CHRDL1: variants seen among roughly 807,000 people sequenced by gnomAD.
CHRDL1 encodes chordin-like protein 1.
Under a neutral mutation model 40.9 loss-of-function variants are expected in CHRDL1, and 19 were observed. The ratio of observed to expected loss-of-function variants is 0.46; its 90% CI spans 0.32 to 0.68. The LOEUF (loss-of-function observed/expected upper bound fraction) is 0.68, where lower values mean the gene tolerates loss of function less well. Ranked by LOEUF, CHRDL1 falls within the 30% of genes least tolerant of loss-of-function variation. CHRDL1 has a pLI of 0.03. For synonymous variants in CHRDL1, 136 were observed against 123.4 expected, an observed-to-expected ratio of 1.10 and a Z score of -0.68; for missense variants, 329 against 352.1, an observed-to-expected ratio of 0.93 and a Z score of 0.53.
At chrX:110,755,205 A>G (rs1241974732) in intron 4 of CHRDL1, among the ~76,000 whole-genome samples, 1 of 111,358 alleles carries the variant, frequency 9.0e-6, no homozygotes. Flanking sequence ...AGAATGTTCC[A>G]GCCTCCATGT....
At chrX:110,792,355 C>A in intron 1 of CHRDL1, 140 bp from the exon 2 acceptor site, 1 of 375,920 alleles carries the variant, frequency 2.7e-6, no homozygotes, top group Non-Finnish European at 4.6e-6. Context: ...TGTCTGCCTG[C>A]ACAAGATAAA....
At position 110,689,737 on chromosome X, in the gene CHRDL1, C is replaced by A. The variant is rs772026444; in HGVS notation, c.779-934G>T. Among the ~76,000 whole-genome samples, 4 of 35,661 alleles carry A rather than the reference C, an allele frequency of 1.1e-4. No individual in the cohort carries two copies. In the South Asian group the frequency reaches 3.8e-3, roughly 34 times the overall value. 31.0% of individuals were successfully genotyped at this position (35,661 alleles called of 115,157 possible). A position where few individuals can be genotyped will look rare whatever the true frequency, so the allele number is the denominator to read the frequency against. ...TATATATCTATATATATCTATATAT[C>A]TATATATATCTATATATCTATATAT... is the stretch of plus-strand genomic sequence containing the variant. On this transcript the variant is annotated intron_variant, in intron 8 of 11. Transcript: ENST00000372042.
intron 2 of CHRDL1, among the ~76,000 whole-genome samples, chrX:110,790,627 T>C (rs2090083705): frequency 9.1e-6 from 1 of 110,052 alleles, no homozygotes; most frequent in South Asian, 4.0e-4. Flanking sequence ...GCATAAAGTG[T>C]GGACTTTAAG....
chrX:110,781,669 G>GA (rs1403414835), intron 2 of CHRDL1, among the ~76,000 whole-genome samples: 1 of 111,166 alleles, frequency 9.0e-6, no homozygotes, highest in Non-Finnish European at 1.9e-5. Flanking sequence ...CTCAAGCACT[G>GA]AAATAAAACA....
intron 8 of CHRDL1, among the ~76,000 whole-genome samples, chrX:110,691,751 T>C (rs1000662950): frequency 1.7e-4 from 19 of 111,802 alleles, no homozygotes; most frequent in African/African-American, 6.2e-4. Flanking sequence ...GCTAGAATAC[T>C]GGACACTCTA....
In CHRDL1 at chrX:110,758,422, C is replaced by CAGAGATGAATATCTGGAA. The variant is rs1320002212; in HGVS notation, c.301+1238_301+1239insTTCCAGATATTCATCTCT. ...AAAACCTGTGATATGGCATGATATT[C>CAGAGATGAATATCTGGAA]TGCCATCTGGAAATGAATCACCTGT... On this transcript the variant is annotated intron_variant, in intron 4 of 11. Transcript: ENST00000372042. 3.6e-5 allele frequency among the ~76,000 whole-genome samples: 4 copies of CAGAGATGAATATCTGGAA among 111,658 alleles called. No homozygotes were observed. In the South Asian group the frequency reaches 1.1e-3, roughly 31 times the overall value.
At chrX:110,701,841 A>G (rs1041814620) in intron 6 of CHRDL1, among the ~76,000 whole-genome samples, 2 of 111,422 alleles carry the variant, frequency 1.8e-5, no homozygotes, top group African/African-American at 3.3e-5. Flanking sequence ...GTAACATGTT[A>G]CCAGTTCAAG....
chrX:110,749,891 A>T (rs1427771049), intron 4 of CHRDL1, among the ~76,000 whole-genome samples: 2 of 112,381 alleles, frequency 1.8e-5, no homozygotes. Flanking sequence ...CTTTGAGAAC[A>T]TATTGGTTTT....
intron 11 of CHRDL1, among the ~76,000 whole-genome samples, chrX:110,678,045 C>G (rs1289775537): frequency 2.7e-5 from 3 of 111,166 alleles, no homozygotes; most frequent in Admixed American, 9.6e-5. Flanking sequence ...TCCCACTTCT[C>G]TTAATAAGGG....
intron 4 of CHRDL1, among the ~76,000 whole-genome samples, chrX:110,736,014 C>G (rs749818414): frequency 8.9e-6 from 1 of 112,195 alleles, no homozygotes; most frequent in South Asian, 3.8e-4. Flanking sequence ...AAACTGTTAG[C>G]AGCTGGCTTC....
chrX:110,764,818 G>A (rs915843550), intron 2 of CHRDL1, among the ~76,000 whole-genome samples: 16 of 110,776 alleles, frequency 1.4e-4, no homozygotes, highest in Admixed American at 1.3e-3. Flanking sequence ...CTCTGGGAGT[G>A]TCTGTCTTAT....
chrX:110,790,386 T>A (rs1013692543), intron 2 of CHRDL1, among the ~76,000 whole-genome samples: 2 of 111,957 alleles, frequency 1.8e-5, no homozygotes, highest in African/African-American at 6.5e-5. Context: ...GTAGTAGATT[T>A]GGGTTTGTAA....
chrX:110,681,982 G>A (rs969152459), intron 9 of CHRDL1, among the ~76,000 whole-genome samples: 1 of 111,826 alleles, frequency 8.9e-6, no homozygotes, highest in African/African-American at 3.2e-5. Context: ...ATGTAGCCAG[G>A]TACAAATCTC....
chrX:110,735,945 G>T (rs2071256057), intron 4 of CHRDL1, among the ~76,000 whole-genome samples: 1 of 112,382 alleles, frequency 8.9e-6, no homozygotes, highest in Non-Finnish European at 1.9e-5. Context: ...AGAGGCATTT[G>T]GTACTTGAAG....
chrX:110,705,304 T>TATATATATATATACAC (rs1491498596), intron 6 of CHRDL1, among the ~76,000 whole-genome samples: 15 of 77,619 alleles, frequency 1.9e-4, no homozygotes, highest in African/African-American at 8.5e-4. Flanking sequence ...TATATATATA[T>TATATATATATATACAC]ACACACACAC....
At chrX:110,714,605 G>A (rs1474046094) in intron 6 of CHRDL1, among the ~76,000 whole-genome samples, 3 of 111,156 alleles carry the variant, frequency 2.7e-5, no homozygotes, top group Non-Finnish European at 5.7e-5. Context: ...CACACATTCT[G>A]CCAACGCTCT....
rs1438508487 is a variant in CHRDL1 at position 110,694,335 on chromosome X, T to C, written c.610-4A>G. The C allele has an allele frequency of 8.4e-7, 1 of 1,195,907 alleles. No individual in the cohort carries two copies. The highest frequency in any genetic ancestry group is 1.1e-6 in the Non-Finnish European group (1 of 884,508). The stretch of plus-strand genomic sequence containing the variant: ...GAGAGCGGTGGTAAGAATGTCTCTG[T>C]AAAATAACAAGAACAAATTTAGTCC... On this transcript the variant is annotated splice_region_variant and splice_polypyrimidine_tract_variant and intron_variant, in intron 7 of 11. Coordinates refer to ENST00000372042, the MANE Select transcript of CHRDL1 (RefSeq NM_001143981.2).
chrX:110,694,147 G>A lies in CHRDL1; in HGVS notation c.778+16C>T. 1 of 1,185,018 alleles carries A rather than the reference G, an allele frequency of 8.4e-7. No individual in the cohort carries two copies. The highest frequency in any genetic ancestry group is 1.1e-6 in the Non-Finnish European group (1 of 873,123). On this transcript the variant is annotated intron_variant, in intron 8 of 11. Coordinates refer to ENST00000372042, the MANE Select transcript of CHRDL1 (RefSeq NM_001143981.2). ...AGCCTTGTTGTGGAAGTATACAAAAGAAGGATGCCCCTTACCTTGTCCATG... is the reference window on the plus strand; with the variant it reads ...AGCCTTGTTGTGGAAGTATACAAAAAAAGGATGCCCCTTACCTTGTCCATG...
At chrX:110,728,904 G>C (rs56398782) in intron 4 of CHRDL1, among the ~76,000 whole-genome samples, 17,164 of 111,600 alleles carry the variant, frequency 0.15, 1,348 homozygotes, top group Middle Eastern at 0.28. Flanking sequence ...GGGAGGCGAC[G>C]GCAGTGGATC....
Sources: allele counts gnomAD v4.1 joint callset (sites outside exome capture counted in the v4.1 genomes callset), GRCh38; gene constraint gnomAD v4.1.1; transcripts MANE v1.5; gene names NCBI Gene and HGNC (gene_info 2026-07-23, HGNC 2026-07-21).